Variants in ANKRD36B observed in about 807,000 individuals in gnomAD.
ANKRD36B encodes the protein ankyrin repeat domain 36B.
Under a neutral mutation model 135.7 loss-of-function variants are expected in ANKRD36B, and 37 were observed. That is an observed-to-expected ratio of 0.27 (90% CI 0.21 to 0.36). The LOEUF (loss-of-function observed/expected upper bound fraction) is 0.36. ANKRD36B is among the 10% of genes least tolerant of loss of function. The probability of loss-of-function intolerance (pLI) is 1.00; values close to 1 mark genes in which losing one functional copy is unlikely to be tolerated. For missense variants in ANKRD36B, 549 were observed against 1,037.1 expected, an observed-to-expected ratio of 0.53 and a Z score of 6.46; for synonymous variants, 179 against 348.1, an observed-to-expected ratio of 0.51 and a Z score of 5.41.
chr2:97,528,139 C>G lies in ANKRD36B; in HGVS notation c.2265+4172G>C, dbSNP rs2078325206. ...CACACCACACCTATTCCAAAATTGA[C>G]CACATAGTTGGAAGTAAAGCTCTCC... On this transcript the variant is annotated intron_variant, in intron 35 of 43. Transcript: ENST00000359901. Among the ~76,000 whole-genome samples, 2 of 95,370 alleles carry G rather than the reference C, an allele frequency of 2.1e-5. 1 individual carries two copies. Among genetic ancestry groups the G allele is most frequent in the Non-Finnish European group, 5.6e-5 (2 of 35,938 alleles). The allele number at this position is 95,370 out of a possible 152,430, so 62.6% of individuals were successfully genotyped here. A position where few individuals can be genotyped will look rare whatever the true frequency, so the allele number is the denominator to read the frequency against.
At chr2:97,571,881 C>A (rs1311062160) in intron 6 of ANKRD36B, among the ~76,000 whole-genome samples, 8 of 152,050 alleles carry the variant, frequency 5.3e-5, no homozygotes, top group Non-Finnish European at 1.2e-4. Context: ...AAGTCAAAAA[C>A]TGCATTTAAA....
intron 6 of ANKRD36B, among the ~76,000 whole-genome samples, chr2:97,569,660 G>A (rs1322763705): frequency 2.0e-5 from 3 of 152,002 alleles, no homozygotes; most frequent in South Asian, 2.1e-4. Flanking sequence ...GGGGGATGGC[G>A]TATGTGAAAA....
At chr2:97,564,512 A>G (rs2081291082) in intron 6 of ANKRD36B, among the ~76,000 whole-genome samples, 1 of 152,082 alleles carries the variant, frequency 6.6e-6, no homozygotes, top group South Asian at 2.1e-4. Context: ...TACATTGAGA[A>G]CTTAATTTTA....
At chr2:97,548,218 AC>A (rs2079681314) in intron 20 of ANKRD36B, among the ~76,000 whole-genome samples, 1 of 151,792 alleles carries the variant, frequency 6.6e-6, no homozygotes. Context: ...AGTTAAACTT[AC>A]ACTTCACATC....
rs201505310 is a variant in ANKRD36B at position 97,563,708 on chromosome 2, TC to T, written c.764-2849del. ...TGGATTTTCTCAGGGTCATGACATGTCAAAAAGACATGCTTTAAGGGGGAAA... is the reference window on the plus strand; with the variant it reads ...TGGATTTTCTCAGGGTCATGACATGTAAAAAGACATGCTTTAAGGGGGAAA... On this transcript the variant is annotated intron_variant, in intron 6 of 43. Transcript: ENST00000359901. Among the ~76,000 whole-genome samples, 24 of 152,222 alleles carry T rather than the reference TC, an allele frequency of 1.6e-4. No individual in the cohort carries two copies. In the East Asian group the frequency reaches 4.6e-3, roughly 29 times the overall value.
intron 14 of ANKRD36B, 147 bp downstream of exon 14, chr2:97,554,913 C>T (rs2080371566): frequency 9.5e-7 from 1 of 1,050,354 alleles, no homozygotes. Flanking sequence ...ATCAGCATCA[C>T]CCGAGAACTT....
At chr2:97,581,078 C>G (rs1374543299) in intron 3 of ANKRD36B, among the ~76,000 whole-genome samples, 1 of 130,018 alleles carries the variant, frequency 7.7e-6, no homozygotes, top group African/African-American at 3.4e-5. Flanking sequence ...AAGAGAGACT[C>G]CATGATCACC....
At chr2:97,563,198 C>T (rs1032453327) in intron 6 of ANKRD36B, among the ~76,000 whole-genome samples, 12 of 151,834 alleles carry the variant, frequency 7.9e-5, no homozygotes, top group African/African-American at 2.9e-4. Flanking sequence ...ACAGTCTCTC[C>T]TTGATGCACC....
chr2:97,572,657 C>G (rs1259809377), intron 6 of ANKRD36B, among the ~76,000 whole-genome samples: 1 of 150,058 alleles, frequency 6.7e-6, no homozygotes, highest in Non-Finnish European at 1.5e-5. Context: ...GTAGCTAATT[C>G]TCTTAAAAGA....
At chr2:97,560,109 T>C (rs1466750401) in intron 8 of ANKRD36B, among the ~76,000 whole-genome samples, 2 of 151,862 alleles carry the variant, frequency 1.3e-5, no homozygotes, top group Non-Finnish European at 1.5e-5. Flanking sequence ...ATATTCCAAA[T>C]GCATCTGAAA....
At chr2:97,580,344 T>C in intron 4 of ANKRD36B, 118 bp downstream of exon 4, 1 of 853,452 alleles carries the variant, frequency 1.2e-6, no homozygotes. Flanking sequence ...TCTCACTATA[T>C]CCCAGTAATT....
intron 6 of ANKRD36B, among the ~76,000 whole-genome samples, chr2:97,570,119 T>C (rs1461285706): frequency 6.6e-6 from 1 of 152,218 alleles, no homozygotes; most frequent in Non-Finnish European, 1.5e-5. Flanking sequence ...ATTGCCATAG[T>C]AACTTCTGTA....
rs548608992 is a variant in ANKRD36B at position 97,572,790 on chromosome 2, G to T, written c.763+3589C>A. On this transcript the variant is annotated intron_variant, in intron 6 of 43. Coordinates refer to ENST00000359901, the MANE Select transcript of ANKRD36B (RefSeq NM_001393939.1). ...GATATTACAAGAGGTCATGAAAAGG[G>T]AATTGCACTAAAACAAAGTGTCCCA... 2.5e-4 allele frequency among the ~76,000 whole-genome samples: 38 copies of T among 151,612 alleles called. No individual in the cohort carries two copies. The South Asian group carries it at 7.7e-3, about 31-fold the overall frequency.
rs2079596415 is a variant in ANKRD36B at position 97,547,612 on chromosome 2, A to C, written c.1507-4T>G. The C allele has an allele frequency of 1.9e-6, 3 of 1,572,484 alleles. No homozygotes were observed. The African/African-American group carries it at 4.1e-5, about 21-fold the overall frequency. ...AATCTTTCTCGTCTCTTGTAGCCTG[A>C]ATGGAATTTGAAATGAAATAATAAA... On this transcript the variant is annotated splice_region_variant and splice_polypyrimidine_tract_variant and intron_variant, in intron 21 of 43. Transcript: ENST00000359901.
intron 6 of ANKRD36B, among the ~76,000 whole-genome samples, chr2:97,572,899 TGCTCGTCTGTAG>T (rs2104898739): frequency 6.6e-6 from 1 of 151,744 alleles, no homozygotes; most frequent in Non-Finnish European, 1.5e-5. Context: ...TTCTCCAAAC[TGCTCGTCTGTAG>T]GCTACTTCTT....
chr2:97,530,744 A>C (rs1161500167), intron 35 of ANKRD36B, among the ~76,000 whole-genome samples: 10 of 97,180 alleles, frequency 1.0e-4, no homozygotes, highest in Non-Finnish European at 1.7e-4. Context: ...AAGTGGGCAA[A>C]GGATATCAAC....
intron 4 of ANKRD36B, among the ~76,000 whole-genome samples, chr2:97,579,647 G>GTA (rs2082472907): frequency 1.1e-5 from 1 of 89,822 alleles, no homozygotes; most frequent in African/African-American, 3.7e-5. Flanking sequence ...ATAATATATA[G>GTA]TATATTATAT....
At chr2:97,567,865 G>A (rs1247521688) in intron 6 of ANKRD36B, among the ~76,000 whole-genome samples, 1 of 152,132 alleles carries the variant, frequency 6.6e-6, no homozygotes, top group Non-Finnish European at 1.5e-5. Flanking sequence ...CCAAGATCAC[G>A]TGAAGCAGAT....
At chr2:97,527,861 A>T (rs1383500683) in intron 35 of ANKRD36B, among the ~76,000 whole-genome samples, 2 of 96,418 alleles carry the variant, frequency 2.1e-5, no homozygotes, top group Non-Finnish European at 5.5e-5. Flanking sequence ...AACTATCCTA[A>T]ATATATATGC....
Sources: gnomAD v4.1 joint callset for allele counts (sites outside exome capture counted in the v4.1 genomes callset) on GRCh38, gnomAD v4.1.1 for gene constraint, MANE v1.5 for transcripts, NCBI Gene and HGNC (gene_info 2026-07-23, HGNC 2026-07-21) for gene names.